Variants in ERMP1 observed in about 807,000 individuals in gnomAD.
The protein encoded by ERMP1 is endoplasmic reticulum metallopeptidase 1.
Under a neutral mutation model 92.0 loss-of-function variants are expected in ERMP1, and 86 were observed. The ratio of observed to expected loss-of-function variants is 0.93; its 90% CI spans 0.79 to 1.12. The LOEUF (loss-of-function observed/expected upper bound fraction) is 1.12, where lower values mean the gene tolerates loss of function less well. Among genes scored for constraint, ERMP1 ranks in the 50% most tolerant of loss-of-function variants. The pLI is 0.00. For missense variants in ERMP1, 1,342 were observed against 1,116.3 expected, an observed-to-expected ratio of 1.20 and a Z score of -2.88; for synonymous variants, 530 against 412.8, an observed-to-expected ratio of 1.28 and a Z score of -3.44.
chr9:5,806,139 C>T (rs1202469998), intron 8 of ERMP1, among the ~76,000 whole-genome samples: 1 of 152,216 alleles, frequency 6.6e-6, no homozygotes, highest in South Asian at 2.1e-4. Flanking sequence ...ATTCCAAACA[C>T]TGTTTCAAGC....
intron 6 of ERMP1, among the ~76,000 whole-genome samples, chr9:5,845,106 C>T (rs1328547790): frequency 6.6e-6 from 1 of 150,766 alleles, no homozygotes; most frequent in Admixed American, 6.6e-5. Context: ...CTTGAATCAT[C>T]GTGTTTTGTT....
chr9:5,808,487 G>T (rs865877153), intron 8 of ERMP1, among the ~76,000 whole-genome samples: 6 of 152,190 alleles, frequency 3.9e-5, no homozygotes, highest in Admixed American at 6.5e-5. Flanking sequence ...AACATGGAAG[G>T]TTCCACAGAA....
intron 8 of ERMP1, among the ~76,000 whole-genome samples, chr9:5,808,536 G>C (rs960388530): frequency 1.3e-5 from 2 of 152,118 alleles, no homozygotes; most frequent in Non-Finnish European, 2.9e-5. Context: ...CCAAAGTTCA[G>C]ATACCAAAGA....
Position 5,805,093 on chromosome 9 carries a change from T to C in ERMP1, c.1848A>G (p.Glu616=). 6.2e-7 allele frequency: 1 copy of C among 1,613,660 alleles called. No individual in the cohort carries two copies. Among genetic ancestry groups the C allele is most frequent in the Non-Finnish European group, 8.5e-7 (1 of 1,179,916 alleles). Residue 616 remains glutamate, a synonymous_variant, in exon 10 of 15, where the codon GAA becomes GAG. Transcript: ENST00000339450. ...ATGCCAGCACAACATCAGGTGGGAT[T>C]TCAGAACCACTTCTCCCGAGGATAG... The part of the protein sequence containing the change: ...FTPILGRSGS[E]IPPDVVLASI...
At chr9:5,815,494 C>CAAAAAAAA (rs3068691) in intron 4 of ERMP1, among the ~76,000 whole-genome samples, 23 of 97,352 alleles carry the variant, frequency 2.4e-4, no homozygotes, top group East Asian at 4.9e-4. Flanking sequence ...ACTGAAATAA[C>CAAAAAAAA]AAAAAAAAAA....
intron 4 of ERMP1, among the ~76,000 whole-genome samples, chr9:5,821,897 T>C (rs992065636): frequency 3.9e-5 from 6 of 152,226 alleles, no homozygotes; most frequent in Admixed American, 1.3e-4. Context: ...AATTTTCTTT[T>C]GCTGCTTTTT....
rs957321288 is a variant in ERMP1, at chr9:5,804,932, A to G, written c.1914+95T>C. 28 of 918,306 alleles carry G rather than the reference A, an allele frequency of 3.0e-5. 1 individual carries two copies. Among genetic ancestry groups the G allele is most frequent in the Middle Eastern group, 2.3e-4 (1 of 4,438 alleles). 56.9% of individuals were successfully genotyped at this position (918,306 alleles called of 1,614,324 possible). On this transcript the variant is annotated intron_variant, in intron 10 of 14. Coordinates refer to ENST00000339450, the MANE Select transcript of ERMP1 (RefSeq NM_024896.3). ...TTCTTCTGCTTCAGATTTTCTCAAT[A>G]AAGTACACGTAACACTATTTCACAG...
intron 13 of ERMP1, among the ~76,000 whole-genome samples, chr9:5,796,632 C>A (rs1428675123): frequency 6.6e-6 from 1 of 152,128 alleles, no homozygotes. Context: ...TCGAAAAAGG[C>A]TACATACTCT....
At chr9:5,847,202 T>C (rs1830247411) in intron 6 of ERMP1, among the ~76,000 whole-genome samples, 1 of 152,152 alleles carries the variant, frequency 6.6e-6, no homozygotes, top group Non-Finnish European at 1.5e-5. Context: ...GTTTTGAAGA[T>C]TAGAATTTTG....
chr9:5,846,642 C>T (rs1178841432), intron 6 of ERMP1, among the ~76,000 whole-genome samples: 1 of 152,152 alleles, frequency 6.6e-6, no homozygotes, highest in Admixed American at 6.5e-5. Context: ...CACTTACTCC[C>T]GTGGGTGTGA....
chr9:5,786,228 G>T lies in ERMP1; in HGVS notation c.*916C>A, dbSNP rs1010841519. The T allele has an allele frequency of 6.6e-6, 1 of 152,102 alleles. No homozygotes were observed. Among genetic ancestry groups the T allele is most frequent in the Non-Finnish European group, 1.5e-5 (1 of 68,024 alleles). The allele number at this position is 152,102 out of a possible 1,614,324, so 9.4% of individuals were successfully genotyped here. On this transcript the variant is annotated 3_prime_UTR_variant, in exon 15 of 15. Coordinates refer to ENST00000339450, the MANE Select transcript of ERMP1 (RefSeq NM_024896.3). ...TAACACAAGACTCCTATGAAACAAA[G>T]AAAAGAGAATAAATATTTATAAAAT...
intron 6 of ERMP1, among the ~76,000 whole-genome samples, chr9:5,847,143 C>G (rs908061702): frequency 6.6e-6 from 1 of 152,180 alleles, no homozygotes. Context: ...ACTGTTAGAT[C>G]TAGAAAATAT....
At chr9:5,824,527 C>T (rs553753376) in intron 3 of ERMP1, among the ~76,000 whole-genome samples, 9 of 152,152 alleles carry the variant, frequency 5.9e-5, no homozygotes, top group African/African-American at 1.4e-4. Context: ...CTCAACCTCC[C>T]GAATAGCTGG....
chr9:5,808,909 T>C (rs1180752364), intron 8 of ERMP1, among the ~76,000 whole-genome samples: 1 of 152,018 alleles, frequency 6.6e-6, no homozygotes, highest in Non-Finnish European at 1.5e-5. Flanking sequence ...GGCTAATTTT[T>C]TGTATTTTTT....
At position 5,812,819 on chromosome 9, in the gene ERMP1, C is replaced by T. The variant is rs773943618; in HGVS notation, c.1021+70G>A. 24 of 1,546,746 alleles carry T rather than the reference C, an allele frequency of 1.6e-5. No homozygotes were observed. The East Asian group carries it at 3.1e-4, about 20-fold the overall frequency. ...TCAGAAAATGCTGTTTACTCACATA[C>T]TTTCAAGATTTAAAATTTGCTTTTG... On this transcript the variant is annotated intron_variant, in intron 5 of 14. Transcript: ENST00000339450.
rs546913865 is a variant in ERMP1, at chr9:5,832,687, T to C, written c.338+3A>G. 2.1e-6 allele frequency: 3 copies of C among 1,442,106 alleles called. No individual in the cohort carries two copies. Among genetic ancestry groups the C allele is most frequent in the African/African-American group, 3.0e-5 (2 of 67,430 alleles). The allele number at this position is 1,442,106 out of a possible 1,614,324, so 89.3% of individuals were successfully genotyped here. ...GGCCGTGCCAGGAGGGAGCGGCCGG[T>C]ACCTGGCTTGGAGCGCGTCGAACTC... On this transcript the variant is annotated splice_donor_region_variant and intron_variant, in intron 1 of 14. Coordinates refer to ENST00000339450, the MANE Select transcript of ERMP1 (RefSeq NM_024896.3).
At chr9:5,814,030 A>T (rs1381302220) in intron 4 of ERMP1, among the ~76,000 whole-genome samples, 1 of 152,090 alleles carries the variant, frequency 6.6e-6, no homozygotes, top group Non-Finnish European at 1.5e-5. Flanking sequence ...TGTACCTATT[A>T]ACTGCAGGCG....
chr9:5,791,185 G>A, intron 13 of ERMP1: 1 of 456,576 alleles, frequency 2.2e-6, no homozygotes, highest in South Asian at 1.5e-5. Flanking sequence ...GAGAAAGAGA[G>A]AGAGAGACAG....
At chr9:5,816,008 C>G (rs1829290574) in intron 4 of ERMP1, among the ~76,000 whole-genome samples, 1 of 151,882 alleles carries the variant, frequency 6.6e-6, no homozygotes, top group Admixed American at 6.6e-5. Context: ...CAGGTAAAGC[C>G]AAACTATCAT....
Sources: gnomAD v4.1 joint callset for allele counts (sites outside exome capture counted in the v4.1 genomes callset) on GRCh38, gnomAD v4.1.1 for gene constraint, MANE v1.5 for transcripts, NCBI Gene and HGNC (gene_info 2026-07-23, HGNC 2026-07-21) for gene names.